The following KIAA1549L variants were observed in gnomAD, a reference collection of about 807,000 sequenced individuals.
KIAA1549L encodes KIAA1549 like, also known as UPF0606 protein KIAA1549L.
Under a neutral mutation model 160.7 loss-of-function variants are expected in KIAA1549L, and 88 were observed. The observed-to-expected ratio is 0.55, with a 90% CI of 0.46 to 0.65. The LOEUF (loss-of-function observed/expected upper bound fraction) is 0.65. Ranked by LOEUF, KIAA1549L falls within the 30% of genes least tolerant of loss-of-function variation. The pLI is 0.00. For synonymous variants in KIAA1549L, 950 were observed against 976.7 expected, an observed-to-expected ratio of 0.97 and a Z score of 0.51; for missense variants, 2,258 against 2,437.5, an observed-to-expected ratio of 0.93 and a Z score of 1.55.
intron 1 of KIAA1549L, among the ~76,000 whole-genome samples, chr11:33,532,699 A>T (rs1201246561): frequency 1.3e-5 from 2 of 152,168 alleles, no homozygotes; most frequent in African/African-American, 4.8e-5. Flanking sequence ...ATCTCCATGA[A>T]TGTTTCTTAA....
chr11:33,464,974 C>T (rs1852021708), intron 1 of KIAA1549L, among the ~76,000 whole-genome samples: 1 of 151,750 alleles, frequency 6.6e-6, no homozygotes, highest in South Asian at 2.1e-4. Context: ...GAGCTCTGGC[C>T]CTTTGTCCAG....
chr11:33,383,481 A>C (rs1239641276), intron 1 of KIAA1549L, among the ~76,000 whole-genome samples: 1 of 152,162 alleles, frequency 6.6e-6, no homozygotes, highest in African/African-American at 2.4e-5. Flanking sequence ...AGCAGTTAGC[A>C]ATCTGGGTGT....
intron 1 of KIAA1549L, among the ~76,000 whole-genome samples, chr11:33,499,378 G>A (rs534271748): frequency 6.6e-6 from 1 of 152,198 alleles, no homozygotes; most frequent in African/African-American, 2.4e-5. Context: ...AGTAGTGAGG[G>A]TTGCTTATAG....
At chr11:33,659,295 G>T (rs1852182792) in intron 19 of KIAA1549L, among the ~76,000 whole-genome samples, 1 of 152,148 alleles carries the variant, frequency 6.6e-6, no homozygotes, top group South Asian at 2.1e-4. Flanking sequence ...TTATATAACA[G>T]TATATATTAA....
At chr11:33,617,310 A>G (rs958328394) in intron 15 of KIAA1549L, among the ~76,000 whole-genome samples, 3 of 152,166 alleles carry the variant, frequency 2.0e-5, no homozygotes, top group African/African-American at 7.2e-5. Context: ...CACTTGTAAA[A>G]TTACCTCTTG....
chr11:33,581,379 T>C (rs1342025549), intron 10 of KIAA1549L, among the ~76,000 whole-genome samples: 1 of 148,712 alleles, frequency 6.7e-6, no homozygotes, highest in Non-Finnish European at 1.5e-5. Context: ...ACTGTTTGAC[T>C]TCATTCCTTC....
intron 1 of KIAA1549L, among the ~76,000 whole-genome samples, chr11:33,396,008 A>G (rs1850366080): frequency 6.6e-6 from 1 of 152,098 alleles, no homozygotes; most frequent in South Asian, 2.1e-4. Flanking sequence ...GTTAACTGGA[A>G]GGAATTGGTT....
At chr11:33,534,100 A>T in intron 1 of KIAA1549L, among the ~76,000 whole-genome samples, 1 of 149,532 alleles carries the variant, frequency 6.7e-6, no homozygotes, top group Non-Finnish European at 1.5e-5. Context: ...GCTTTCCACA[A>T]TTTTTTTTTT....
chr11:33,629,410 G>C (rs1338157978), intron 16 of KIAA1549L, among the ~76,000 whole-genome samples: 2 of 152,172 alleles, frequency 1.3e-5, no homozygotes, highest in Non-Finnish European at 2.9e-5. Flanking sequence ...TTCTCCCCAT[G>C]ACTTTCAGGT....
intron 4 of KIAA1549L, 64 bp from the exon 5 acceptor site, chr11:33,550,976 C>T: frequency 2.2e-6 from 3 of 1,344,606 alleles, no homozygotes; most frequent in South Asian, 2.3e-5. Flanking sequence ...CTAAGAAATA[C>T]CAGGAAGAAC....
At chr11:33,438,615 G>A (rs184348736) in intron 1 of KIAA1549L, among the ~76,000 whole-genome samples, 26 of 152,354 alleles carry the variant, frequency 1.7e-4, no homozygotes, top group Non-Finnish European at 2.6e-4. Context: ...CCATGCCAAC[G>A]AAGAGGCAGT....
chr11:33,661,144 C>A (rs1852248683), intron 20 of KIAA1549L, 130 bp downstream of exon 20: 2 of 940,410 alleles, frequency 2.1e-6, no homozygotes, highest in African/African-American at 1.7e-5. Context: ...TGACTAAAGT[C>A]AGCCATTTTA....
intron 1 of KIAA1549L, among the ~76,000 whole-genome samples, chr11:33,463,104 C>T (rs1851976681): frequency 6.6e-6 from 1 of 152,166 alleles, no homozygotes; most frequent in African/African-American, 2.4e-5. Context: ...ACTGGGATTA[C>T]CTGCATGAGC....
chr11:33,614,531 GATATATATATATAT>G (rs780446812), intron 15 of KIAA1549L, among the ~76,000 whole-genome samples: 1,196 of 27,066 alleles, frequency 0.044, 231 homozygotes, highest in East Asian at 0.058. Context: ...AGTGTAACAA[GATATATATATATAT>G]ATATATATAT....
intron 1 of KIAA1549L, among the ~76,000 whole-genome samples, chr11:33,529,871 A>G (rs987506873): frequency 5.9e-5 from 9 of 152,202 alleles, no homozygotes; most frequent in African/African-American, 1.9e-4. Context: ...GAACAATGAC[A>G]TGTTAATTAG....
Position 33,668,911 on chromosome 11 carries a change from G to A in KIAA1549L, c.*757G>A, listed in dbSNP as rs977617642. ...GTTAGGATCTAACTGAAAGAGAATC[G>A]GTGCTAAGAGCTTTTAGGATCCTAC... is the stretch of plus-strand genomic sequence containing the variant. On this transcript the variant is annotated 3_prime_UTR_variant, in exon 21 of 21. Transcript: ENST00000658780. The A allele has an allele frequency of 1.3e-5, 2 of 152,146 alleles. No homozygotes were observed. The highest frequency in any genetic ancestry group is 4.8e-5 in the African/African-American group (2 of 41,418). 9.4% of individuals were successfully genotyped at this position (152,146 alleles called of 1,614,324 possible). A position where few individuals can be genotyped will look rare whatever the true frequency, so the allele number is the denominator to read the frequency against.
intron 1 of KIAA1549L, among the ~76,000 whole-genome samples, chr11:33,393,660 C>T (rs1329890008): frequency 6.6e-6 from 1 of 152,148 alleles, no homozygotes; most frequent in Non-Finnish European, 1.5e-5. Flanking sequence ...AGGCATGTTG[C>T]CTCCCGGGCA....
chr11:33,657,402 G>C (rs1357192038), intron 18 of KIAA1549L, among the ~76,000 whole-genome samples: 1 of 152,106 alleles, frequency 6.6e-6, no homozygotes, highest in African/African-American at 2.4e-5. Context: ...GGGGGTGGGG[G>C]GTGCACTGCC....
At chr11:33,525,529 G>A (rs2133135047) in intron 1 of KIAA1549L, among the ~76,000 whole-genome samples, 1 of 151,820 alleles carries the variant, frequency 6.6e-6, no homozygotes, top group Admixed American at 6.6e-5. Flanking sequence ...GGAAGCTTCT[G>A]GCTGAACTTT....
Sources: gnomAD v4.1 joint callset for allele counts (sites outside exome capture counted in the v4.1 genomes callset) on GRCh38, gnomAD v4.1.1 for gene constraint, MANE v1.5 for transcripts, NCBI Gene and HGNC (gene_info 2026-07-23, HGNC 2026-07-21) for gene names.